The following DCHS2 variants were observed in gnomAD, a reference collection of about 807,000 sequenced individuals.
The protein encoded by DCHS2 is dachsous cadherin-related 2.
Under a neutral mutation model 182.4 loss-of-function variants are expected in DCHS2, and 142 were observed. That is an observed-to-expected ratio of 0.78 (90% CI 0.68 to 0.89). The LOEUF is 0.89. Ranked by LOEUF, DCHS2 falls within the 40% of genes least tolerant of loss-of-function variation. The pLI is 0.00. For missense variants in DCHS2, 4,319 were observed against 4,198.6 expected, an observed-to-expected ratio of 1.03 and a Z score of -0.79; for synonymous variants, 1,740 against 1,663.3, an observed-to-expected ratio of 1.05 and a Z score of -1.12.
At chr4:154,255,192 C>A (rs1732596035) in intron 16 of DCHS2, among the ~76,000 whole-genome samples, 1 of 152,194 alleles carries the variant, frequency 6.6e-6, no homozygotes, top group Admixed American at 6.5e-5. Context: ...CTGCAGAGGG[C>A]TCTCTAGTTC....
At chr4:154,448,288 T>A (rs1291036355) in intron 1 of DCHS2, among the ~76,000 whole-genome samples, 4 of 152,178 alleles carry the variant, frequency 2.6e-5, no homozygotes, top group Non-Finnish European at 4.4e-5. Context: ...TATGAATGTA[T>A]CTTTTGCTCA....
At chr4:154,448,755 C>G (rs1293413209) in intron 1 of DCHS2, among the ~76,000 whole-genome samples, 1 of 152,204 alleles carries the variant, frequency 6.6e-6, no homozygotes, top group Non-Finnish European at 1.5e-5. Context: ...TCTCTGTTTC[C>G]TCTGGCTGAG....
chr4:154,461,164 G>A (rs968476008), intron 1 of DCHS2, among the ~76,000 whole-genome samples: 3 of 152,090 alleles, frequency 2.0e-5, no homozygotes, highest in Non-Finnish European at 4.4e-5. Context: ...CCCATACTAA[G>A]CAATAGTATC....
At chr4:154,308,576 G>C (rs953345978) in intron 10 of DCHS2, among the ~76,000 whole-genome samples, 2 of 152,150 alleles carry the variant, frequency 1.3e-5, no homozygotes, top group African/African-American at 4.8e-5. Context: ...TAGTTACCTT[G>C]GACCTCAGAG....
At chr4:154,276,746 A>T (rs901312140) in intron 13 of DCHS2, among the ~76,000 whole-genome samples, 3 of 152,240 alleles carry the variant, frequency 2.0e-5, no homozygotes, top group Non-Finnish European at 2.9e-5. Context: ...CACGGACTTA[A>T]CAAGAACATA....
intron 1 of DCHS2, among the ~76,000 whole-genome samples, chr4:154,396,368 G>A (rs544737650): frequency 9.9e-5 from 15 of 152,270 alleles, no homozygotes; most frequent in African/African-American, 2.9e-4. Flanking sequence ...GCCCAGAAAA[G>A]AGAGGCCTTC....
At chr4:154,255,484 T>C (rs377321471) in intron 16 of DCHS2, 35 bp downstream of exon 16, 5 of 1,590,342 alleles carry the variant, frequency 3.1e-6, no homozygotes, top group Non-Finnish European at 4.3e-6. Flanking sequence ...GCAGGCAGAA[T>C]AAATGGAGCC....
At chr4:154,315,705 T>G (rs1735825293) in intron 10 of DCHS2, 43 bp downstream of exon 10, 1 of 1,585,412 alleles carries the variant, frequency 6.3e-7, no homozygotes, top group Non-Finnish European at 8.6e-7. Flanking sequence ...ATCTTCAATT[T>G]CTTTTAAGCA....
chr4:154,405,109 G>A (rs1732344146), intron 1 of DCHS2, among the ~76,000 whole-genome samples: 1 of 152,040 alleles, frequency 6.6e-6, no homozygotes, highest in Non-Finnish European at 1.5e-5. Flanking sequence ...AATTAGCCAG[G>A]CCTGGTGGCG....
intron 13 of DCHS2, among the ~76,000 whole-genome samples, chr4:154,274,761 T>G (rs1485158366): frequency 2.6e-5 from 4 of 152,224 alleles, no homozygotes; most frequent in African/African-American, 7.2e-5. Flanking sequence ...TGTGAGAGAT[T>G]AGAAAAATCC....
At chr4:154,457,604 C>G (rs561092795) in intron 1 of DCHS2, among the ~76,000 whole-genome samples, 1 of 152,190 alleles carries the variant, frequency 6.6e-6, no homozygotes, top group Non-Finnish European at 1.5e-5. Context: ...ATCCAACAAC[C>G]AGCAGCAGTA....
chr4:154,259,755 T>C lies in DCHS2; in HGVS notation c.6579A>G (p.Gly2193=). The change falls in exon 15 of 20, where the codon GGA becomes GGG. Residue 2193 remains glycine, a splice_region_variant and synonymous_variant. Transcript: ENST00000357232. ...ACTTGGGTTCTTTCACAGTGAGTTGTCCTATTTTTATTTCCAAGGAGAAAA... is the reference window on the plus strand; with the variant it reads ...ACTTGGGTTCTTTCACAGTGAGTTGCCCTATTTTTATTTCCAAGGAGAAAA... ...DGVLSLCSKS[G]QLTVKEPKFL... The C allele has an allele frequency of 2.5e-6, 4 of 1,601,080 alleles. No individual in the cohort carries two copies. Among genetic ancestry groups the C allele is most frequent in the Non-Finnish European group, 3.4e-6 (4 of 1,175,698 alleles).
At chr4:154,247,658 A>G (rs1410638562) in intron 16 of DCHS2, among the ~76,000 whole-genome samples, 4 of 145,838 alleles carry the variant, frequency 2.7e-5, no homozygotes, top group Admixed American at 6.9e-5. Context: ...AAAAAAAAAA[A>G]AAAAAAAAAA....
chr4:154,235,574 G>T lies in DCHS2; in HGVS notation c.9078C>A (p.Asn3026Lys). Residue 3026 changes from asparagine (N) to lysine (K), a missense_variant, in exon 20 of 20, where the codon AAC becomes AAA. Transcript: ENST00000357232. ...ATGAGGTTTTCTTCTCCTCATAATT[G>T]TTTATTGTGTCTTTTTGTTTATGTC... ...ILRHKQKDTI[N>K]NYEEKKTSSL... 6.2e-7 allele frequency: 1 copy of T among 1,613,974 alleles called. No individual in the cohort carries two copies. Among genetic ancestry groups the T allele is most frequent in the East Asian group, 2.2e-5 (1 of 44,840 alleles).
intron 1 of DCHS2, among the ~76,000 whole-genome samples, chr4:154,420,501 C>G (rs975233646): frequency 2.6e-5 from 4 of 152,108 alleles, no homozygotes; most frequent in African/African-American, 9.7e-5. Context: ...CAGTCCAAAG[C>G]CAAAGGCCTG....
At position 154,259,578 on chromosome 4, in the gene DCHS2, A is replaced by T; in HGVS notation, c.6756T>A (p.Ser2252=). Residue 2252 remains serine (S), a synonymous_variant, in exon 15 of 20, where the codon TCT becomes TCA. Transcript: ENST00000357232. The part of the protein sequence containing the change: ...FEQSIYQASV[S]ESQLYNAHVI... ...CATGAGCATTGTAGAGTTGGCTTTC[A>T]GACACTGATGCCTGGTAAATGCTTT... 1 of 1,613,998 alleles carries T rather than the reference A, an allele frequency of 6.2e-7. No individual in the cohort carries two copies. Among genetic ancestry groups the T allele is most frequent in the Non-Finnish European group, 8.5e-7 (1 of 1,180,004 alleles).
At chr4:154,404,299 A>G (rs956309852) in intron 1 of DCHS2, among the ~76,000 whole-genome samples, 1 of 152,176 alleles carries the variant, frequency 6.6e-6, no homozygotes, top group East Asian at 1.9e-4. Flanking sequence ...GTATTGATTG[A>G]TTTTCAAATA....
chr4:154,473,271 C>A (rs1392129185), intron 1 of DCHS2, among the ~76,000 whole-genome samples: 1 of 152,234 alleles, frequency 6.6e-6, no homozygotes, highest in African/African-American at 2.4e-5. Flanking sequence ...TCCAGACATT[C>A]TGATTCCCAG....
intron 1 of DCHS2, among the ~76,000 whole-genome samples, chr4:154,451,784 A>G (rs950932959): frequency 2.0e-5 from 3 of 152,190 alleles, no homozygotes; most frequent in Non-Finnish European, 4.4e-5. Flanking sequence ...TTCTATACTG[A>G]TAAATGGGAT....
Sources: allele counts gnomAD v4.1 joint callset (sites outside exome capture counted in the v4.1 genomes callset), GRCh38; gene constraint gnomAD v4.1.1; transcripts MANE v1.5; gene names NCBI Gene and HGNC (gene_info 2026-07-23, HGNC 2026-07-21).